MICAL1: variants seen among roughly 807,000 people sequenced by gnomAD.
The protein encoded by MICAL1 is microtubule associated monooxygenase, calponin and LIM domain containing 1, also known as [F-actin]-monooxygenase MICAL1.
In MICAL1, 95 loss-of-function variants were observed where a neutral mutation model predicts 131.8. The ratio of observed to expected loss-of-function variants is 0.72; its 90% confidence interval spans 0.61 to 0.86. The LOEUF is 0.86. Ranked by LOEUF, MICAL1 falls within the 40% of genes least tolerant of loss-of-function variation. MICAL1 has a pLI of 0.00. For synonymous variants in MICAL1, 546 were observed against 554.2 expected (o/e 0.99, Z 0.21); for missense variants, 1,292 against 1,380.6 (o/e 0.94, Z 1.02).
chr6:109,452,834 A>G (rs1256674527), intron 4 of MICAL1, among the ~76,000 whole-genome samples: 1 of 152,184 alleles, frequency 6.6e-6, no homozygotes, highest in African/African-American at 2.4e-5. Context: ...TGAGGCTCAG[A>G]GTGGCTTGCC....
intron 1 of MICAL1, among the ~76,000 whole-genome samples, chr6:109,460,799 C>T (rs1484552186): frequency 6.6e-6 from 1 of 151,958 alleles, no homozygotes; most frequent in Non-Finnish European, 1.5e-5. Context: ...GAAATTTTAC[C>T]TTAATGCTTA....
At chr6:109,461,924 A>G (rs1775897100) in intron 1 of MICAL1, among the ~76,000 whole-genome samples, 1 of 152,200 alleles carries the variant, frequency 6.6e-6, no homozygotes, top group Non-Finnish European at 1.5e-5. Context: ...CATCTGTCCA[A>G]TAAGCATAAT....
At position 109,450,293 on chromosome 6, in the gene MICAL1, C is replaced by G; in HGVS notation, c.1191+7G>C. 6.2e-7 allele frequency: 1 copy of G among 1,600,018 alleles called. No individual in the cohort carries two copies. The highest frequency in any genetic ancestry group is 8.5e-7 in the Non-Finnish European group (1 of 1,169,676). Reference sequence around the variant, plus strand: ...CATGAAACCCCTGTGCCTCCTGAACCCCTCACCTCCACCAGGCAGTCCCCC... The same window carrying G: ...CATGAAACCCCTGTGCCTCCTGAACGCCTCACCTCCACCAGGCAGTCCCCC... On this transcript the variant is annotated splice_region_variant and intron_variant, in intron 8 of 24. Transcript: ENST00000358807.
upstream of MICAL1, among the ~76,000 whole-genome samples, chr6:109,459,986 G>A (rs1233567562): frequency 6.6e-6 from 1 of 152,162 alleles, no homozygotes; most frequent in Non-Finnish European, 1.5e-5. Flanking sequence ...TATATTTAAA[G>A]TGACATATTA....
upstream of MICAL1, among the ~76,000 whole-genome samples, chr6:109,460,109 C>CT (rs1208415730): frequency 6.6e-6 from 1 of 151,830 alleles, no homozygotes; most frequent in Non-Finnish European, 1.5e-5. Flanking sequence ...CATAAAAAAG[C>CT]TAAGATCCCT....
chr6:109,453,958 C>G lies in MICAL1; in HGVS notation c.239G>C (p.Arg80Pro). The G allele has an allele frequency of 8.7e-6, 14 of 1,613,856 alleles. No homozygotes were observed. Among genetic ancestry groups the G allele is most frequent in the Non-Finnish European group, 1.2e-5 (14 of 1,179,930 alleles). ...ATCCACCTTGGTGCTGGTGCAGGCC[C>G]GGCCCTGCTGGTAGACAGGCTGGCC... is the stretch of plus-strand genomic sequence containing the variant. The part of the protein sequence containing the change: ...RAGQPVYQQG[R>P]ACTSTKCLVV... The change falls in exon 2 of 25, where the codon CGG (arginine) becomes CCG (proline). Residue 80 changes from arginine to proline, a missense_variant. Arg to Pro is a moderately radical substitution (Grantham distance 103). Coordinates refer to ENST00000358807, the MANE Select transcript of MICAL1 (RefSeq NM_022765.4).
At chr6:109,456,112 G>T, upstream of MICAL1, 1 of 719,528 alleles carries the variant, frequency 1.4e-6, no homozygotes, top group Non-Finnish European at 1.7e-6. Flanking sequence ...GGCGCCCAGT[G>T]CTGGACCGCG....
upstream of MICAL1, among the ~76,000 whole-genome samples, chr6:109,459,538 T>C (rs1464473240): frequency 6.6e-6 from 1 of 152,154 alleles, no homozygotes; most frequent in Non-Finnish European, 1.5e-5. Flanking sequence ...AATCACAAAC[T>C]TGGGGCCCCC....
upstream of MICAL1, chr6:109,455,866 G>T: frequency 3.0e-6 from 3 of 985,602 alleles, no homozygotes; most frequent in Non-Finnish European, 3.6e-6. This position sits in a 1 kb window ranked among gnomAD's most constrained non-coding sequence, Gnocchi z 4.7. Flanking sequence ...CGTGCGCCTG[G>T]AGTCGCGCGG....
At position 109,444,773 on chromosome 6, in the gene MICAL1, T is replaced by C. The variant is rs1316110982; in HGVS notation, c.3007A>G (p.Lys1003Glu). The C allele has an allele frequency of 1.2e-6, 2 of 1,614,104 alleles. No homozygotes were observed. The highest frequency in any genetic ancestry group is 1.7e-6 in the Non-Finnish European group (2 of 1,180,032). ...ITVQELNLEE[K>E]QWQLDQELRG... ...AGCTCCTGGTCCAGCTGCCACTGTT[T>C]CTCCTCCAGATTCAATTCCTGCACC... The change falls in exon 24 of 25, where the codon AAA becomes GAA. Residue 1003 changes from lysine (K) to glutamate (E), a missense_variant. Transcript: ENST00000358807.
Position 109,450,089 on chromosome 6 carries a change from C to T in MICAL1, c.1192-4G>A, listed in dbSNP as rs891794745. On this transcript the variant is annotated splice_region_variant and splice_polypyrimidine_tract_variant and intron_variant, in intron 8 of 24. Coordinates refer to ENST00000358807, the MANE Select transcript of MICAL1 (RefSeq NM_022765.4). ...CAGTGCCCAGGGGCCAGAAGGGCTG[C>T]AGTGTCAGAGGAATAGGAAGCAGCT... The T allele has an allele frequency of 3.7e-6, 6 of 1,612,406 alleles. No individual in the cohort carries two copies. Among genetic ancestry groups the T allele is most frequent in the Non-Finnish European group, 5.1e-6 (6 of 1,179,054 alleles).
At chr6:109,448,094 T>C in intron 13 of MICAL1, 109 bp downstream of exon 13, 1 of 1,206,250 alleles carries the variant, frequency 8.3e-7, no homozygotes, top group Non-Finnish European at 1.1e-6. Context: ...TCTTCCTCTT[T>C]CTGACACACA....
chr6:109,451,123 C>T (rs1775521256), intron 7 of MICAL1, among the ~76,000 whole-genome samples: 1 of 151,476 alleles, frequency 6.6e-6, no homozygotes, highest in Admixed American at 6.6e-5. Context: ...GAATATGATT[C>T]CTGCTGCCTT....
chr6:109,457,554 CAGAGACCA>C (rs60085238), upstream of MICAL1, among the ~76,000 whole-genome samples: 11,983 of 151,922 alleles, frequency 0.079, 1,268 homozygotes, highest in African/African-American at 0.24. Flanking sequence ...ATAAGAGATC[CAGAGACCA>C]TAAGAGATCC....
At chr6:109,452,016 C>G in intron 6 of MICAL1, 1 of 1,406,796 alleles carries the variant, frequency 7.1e-7, no homozygotes, top group Non-Finnish European at 9.2e-7. Flanking sequence ...GCAAAACTCC[C>G]ATACACAGGT....
In MICAL1 at chr6:109,446,407, G is replaced by A. The variant is rs997117013; in HGVS notation, c.2310C>T (p.Leu770=). Residue 770 remains leucine, a synonymous_variant, in exon 19 of 25, where the codon CTC becomes CTT. Coordinates refer to ENST00000358807, the MANE Select transcript of MICAL1 (RefSeq NM_022765.4). Reference sequence around the variant, plus strand: ...GCATGCTATTCTCACTTGGTGTGGGGAGCTCCTGGAAAAGCCACCATGTGG... The same window carrying A: ...GCATGCTATTCTCACTTGGTGTGGGAAGCTCCTGGAAAAGCCACCATGTGG... The part of the protein sequence containing the change: ...GSDRGPESPE[L]PTPSENSMPP... 4.3e-6 allele frequency: 5 copies of A among 1,159,172 alleles called. No homozygotes were observed. Among genetic ancestry groups the A allele is most frequent in the Middle Eastern group, 5.3e-4 (2 of 3,742 alleles). The allele number at this position is 1,159,172 out of a possible 1,614,324, so 71.8% of individuals were successfully genotyped here. A position where few individuals can be genotyped will look rare whatever the true frequency, so the allele number is the denominator to read the frequency against.
chr6:109,449,617 G>T (rs1459488084), intron 10 of MICAL1, 40 bp downstream of exon 10: 3 of 1,591,358 alleles, frequency 1.9e-6, no homozygotes, highest in Non-Finnish European at 2.6e-6. Context: ...GGGGAAGGGG[G>T]TTGGCTTGGG....
upstream of MICAL1, among the ~76,000 whole-genome samples, chr6:109,460,521 A>C (rs1582661523): frequency 1.4e-5 from 1 of 69,692 alleles, no homozygotes; most frequent in African/African-American, 8.8e-5. Flanking sequence ...TATATATATA[A>C]ATACACACAC....
At chr6:109,449,307 C>G (rs1562290082) in intron 11 of MICAL1, 93 bp downstream of exon 11, 3 of 1,364,272 alleles carry the variant, frequency 2.2e-6, no homozygotes, top group Admixed American at 1.7e-5. Context: ...CACGCTGCTC[C>G]TGTCCTGAGG....
Sources: allele counts gnomAD v4.1 joint callset (sites outside exome capture counted in the v4.1 genomes callset), GRCh38; gene constraint gnomAD v4.1.1; non-coding constraint Gnocchi (gnomAD v3.1); transcripts MANE v1.5; gene names NCBI Gene and HGNC (gene_info 2026-07-23, HGNC 2026-07-21).